Variants in EYS observed in about 807,000 individuals in gnomAD.
EYS encodes the protein protein eyes shut homolog.
A neutral mutation model predicts 282.1 loss-of-function variants in EYS; 250 were observed. The ratio of observed to expected loss-of-function variants is 0.89; its 90% CI spans 0.80 to 0.98. EYS has a LOEUF of 0.98. Among genes scored for constraint, EYS ranks in the 50% least tolerant of loss-of-function variants. The pLI is 0.00. For synonymous variants in EYS, 1,355 were observed against 1,282.9 expected (o/e 1.06, Z -1.20); for missense variants, 4,016 against 3,709.0 (o/e 1.08, Z -2.15).
At position 64,591,580 on chromosome 6, in the gene EYS, T is replaced by C. The variant is rs1452088766; in HGVS notation, c.4287A>G (p.Arg1429=). Residue 1429 remains arginine (R), a synonymous_variant, in exon 26 of 43, where the codon AGA becomes AGG. Coordinates refer to ENST00000503581, the MANE Select transcript of EYS (RefSeq NM_001142800.2). ...LSATPTTSVI[R]SIPGADIELN... is the part of the protein sequence containing the mutation. ...GCTCAATATCAGCCCCTGGAATGCTTCTAATTACTGAAGTCGTTGGGGTAG... is the reference window on the plus strand; with the variant it reads ...GCTCAATATCAGCCCCTGGAATGCTCCTAATTACTGAAGTCGTTGGGGTAG... 2 of 1,551,260 alleles carry C rather than the reference T, an allele frequency of 1.3e-6. No individual in the cohort carries two copies. Among genetic ancestry groups the C allele is most frequent in the East Asian group, 2.4e-5 (1 of 40,892 alleles).
intron 41 of EYS, among the ~76,000 whole-genome samples, chr6:63,727,384 T>A (rs922907411): frequency 1.3e-5 from 2 of 152,062 alleles, no homozygotes; most frequent in African/African-American, 4.8e-5. Context: ...TGCTAACGGC[T>A]CCTTTTACTT....
intron 29 of EYS, among the ~76,000 whole-genome samples, chr6:64,344,879 A>T (rs1771309213): frequency 6.6e-6 from 1 of 152,190 alleles, no homozygotes; most frequent in South Asian, 2.1e-4. Context: ...ATGTGCAAAA[A>T]TCACAAGCAC....
chr6:64,258,710 G>C (rs1767484450), intron 30 of EYS, among the ~76,000 whole-genome samples: 2 of 152,010 alleles, frequency 1.3e-5, no homozygotes, highest in Admixed American at 1.3e-4. Context: ...AGTACTTCTA[G>C]GCTGCTCACA....
At chr6:64,727,145 T>A (rs1469345318) in intron 22 of EYS, among the ~76,000 whole-genome samples, 1 of 152,224 alleles carries the variant, frequency 6.6e-6, no homozygotes, top group East Asian at 1.9e-4. Context: ...AATAAATAAT[T>A]TGAAGCTTGT....
At position 63,815,374 on chromosome 6, in the gene EYS, C is replaced by G. The variant is rs367893726; in HGVS notation, c.7229-9002G>C. Among the ~76,000 whole-genome samples, 6 of 152,296 alleles carry G rather than the reference C, an allele frequency of 3.9e-5. No individual in the cohort carries two copies. The East Asian group carries it at 5.8e-4, about 15-fold the overall frequency. ...TGTTCATCTGACTCCAAAGCCTGTG[C>G]TCTATGTTACCTACCTCACTATGAT... On this transcript the variant is annotated intron_variant, in intron 36 of 42. Transcript: ENST00000503581.
chr6:65,009,618 G>GC (rs1399385847), intron 13 of EYS, among the ~76,000 whole-genome samples: 2 of 152,090 alleles, frequency 1.3e-5, no homozygotes, highest in African/African-American at 2.4e-5. Flanking sequence ...TTAGGCATTA[G>GC]CCCAAGACTT....
intron 33 of EYS, among the ~76,000 whole-genome samples, chr6:64,013,489 T>C (rs536891668): frequency 1.3e-3 from 200 of 152,344 alleles, no homozygotes; most frequent in Non-Finnish European, 2.1e-3. Flanking sequence ...AACATGTTGA[T>C]GATGAGTGTC....
intron 36 of EYS, among the ~76,000 whole-genome samples, chr6:63,832,284 T>G (rs1327699519): frequency 1.3e-5 from 2 of 152,020 alleles, no homozygotes; most frequent in Non-Finnish European, 2.9e-5. Flanking sequence ...AGGAGCTGGT[T>G]TTTTGAAAAG....
At chr6:65,491,230 C>G (rs1437184804) in intron 4 of EYS, 1 of 174,672 alleles carries the variant, frequency 5.7e-6, no homozygotes, top group Non-Finnish European at 1.2e-5. Context: ...TTCCAAATCT[C>G]ACTTACACAT....
At chr6:63,957,627 A>G (rs949023671) in intron 35 of EYS, among the ~76,000 whole-genome samples, 1 of 141,062 alleles carries the variant, frequency 7.1e-6, no homozygotes, top group African/African-American at 2.4e-5. Flanking sequence ...TATTCAAACT[A>G]TAAATCTGAA....
chr6:64,531,929 T>A (rs1196268500), intron 26 of EYS, among the ~76,000 whole-genome samples: 1 of 152,098 alleles, frequency 6.6e-6, no homozygotes, highest in African/African-American at 2.4e-5. Flanking sequence ...TGAAAAAAAT[T>A]CTTTCAAGTC....
At chr6:63,961,387 TCTCCTGG>T (rs1237262126) in intron 35 of EYS, among the ~76,000 whole-genome samples, 2 of 151,586 alleles carry the variant, frequency 1.3e-5, no homozygotes, top group Non-Finnish European at 2.9e-5. Context: ...TGAAATTCCT[TCTCCTGG>T]CTCAGAAGCT....
intron 2 of EYS, among the ~76,000 whole-genome samples, chr6:65,527,247 C>A (rs1767604036): frequency 6.6e-6 from 1 of 152,134 alleles, no homozygotes; most frequent in African/African-American, 2.4e-5. Context: ...ATTACAGACA[C>A]CTATATCACC....
intron 5 of EYS, among the ~76,000 whole-genome samples, chr6:65,489,054 G>C (rs552857481): frequency 6.6e-6 from 1 of 152,236 alleles, no homozygotes; most frequent in Admixed American, 6.5e-5. Context: ...TACCATTCAG[G>C]ACATAGGCAT....
chr6:65,582,045 A>T (rs1016167724), intron 2 of EYS, among the ~76,000 whole-genome samples: 1 of 150,998 alleles, frequency 6.6e-6, no homozygotes, highest in Non-Finnish European at 1.5e-5. Flanking sequence ...TATATATATA[A>T]ATTAGCCAAG....
At position 63,720,243 on chromosome 6, in the gene EYS, A is replaced by C. The variant is rs1768320263; in HGVS notation, c.*353T>G. On this transcript the variant is annotated 3_prime_UTR_variant, in exon 43 of 43. Coordinates refer to ENST00000503581, the MANE Select transcript of EYS (RefSeq NM_001142800.2). ...CCCAACTGAATTTTAAACATTTTAAAGTTCAGCTTACACATTGATTTTTAA... is the reference window on the plus strand; with the variant it reads ...CCCAACTGAATTTTAAACATTTTAACGTTCAGCTTACACATTGATTTTTAA... The C allele has an allele frequency of 1.3e-5, 4 of 307,308 alleles. No individual in the cohort carries two copies. The Admixed American group carries it at 2.0e-4, about 15-fold the overall frequency. 19.0% of individuals were successfully genotyped at this position (307,308 alleles called of 1,614,324 possible).
intron 9 of EYS, among the ~76,000 whole-genome samples, chr6:65,352,872 C>G (rs1764339933): frequency 6.6e-6 from 1 of 151,926 alleles, no homozygotes; most frequent in South Asian, 2.1e-4. Flanking sequence ...TTTCTCACAG[C>G]CCCAGACAGG....
chr6:64,610,222 A>C (rs1767065503), intron 24 of EYS, among the ~76,000 whole-genome samples: 1 of 152,092 alleles, frequency 6.6e-6, no homozygotes, highest in Admixed American at 6.6e-5. Context: ...TTGAGTCAAT[A>C]TATGACATTA....
chr6:64,329,015 G>A (rs1236468388), intron 29 of EYS, among the ~76,000 whole-genome samples: 1 of 152,154 alleles, frequency 6.6e-6, no homozygotes, highest in Non-Finnish European at 1.5e-5. Context: ...AAGGGATTCA[G>A]AAATCAGACA....
Sources: allele counts gnomAD v4.1 joint callset (sites outside exome capture counted in the v4.1 genomes callset), GRCh38; gene constraint gnomAD v4.1.1; transcripts MANE v1.5; gene names NCBI Gene and HGNC (gene_info 2026-07-23, HGNC 2026-07-21).